SGCE: variants seen among roughly 807,000 people sequenced by gnomAD.
SGCE encodes the protein sarcoglycan epsilon, also known as epsilon-sarcoglycan.
In SGCE, 26 loss-of-function variants were observed where a neutral mutation model predicts 57.8. That is an observed-to-expected ratio of 0.45 (90% CI 0.33 to 0.62). SGCE has a LOEUF of 0.62. Among genes scored for constraint, SGCE ranks in the 20% least tolerant of loss-of-function variants. The pLI, the probability that SGCE is intolerant of heterozygous loss-of-function variation, is 0.02. For missense variants in SGCE, 468 were observed against 548.6 expected (o/e 0.85, Z 1.47); for synonymous variants, 183 against 189.5 (o/e 0.97, Z 0.28).
At chr7:94,599,816 A>G (rs1798940811) in intron 7 of SGCE, 93 bp from the exon 8 acceptor site, 2 of 946,586 alleles carry the variant, frequency 2.1e-6, no homozygotes, top group South Asian at 1.3e-5. Flanking sequence ...TGATGTGGAA[A>G]TGCTGACATT....
intron 5 of SGCE, among the ~76,000 whole-genome samples, chr7:94,605,132 G>A (rs929571307): frequency 2.0e-5 from 3 of 151,776 alleles, no homozygotes; most frequent in Admixed American, 6.6e-5. Flanking sequence ...ACAGCAAAAA[G>A]CACAGTTTGA....
chr7:94,613,274 GTGTA>G (rs1024956609), intron 5 of SGCE, among the ~76,000 whole-genome samples: 21 of 152,142 alleles, frequency 1.4e-4, no homozygotes, highest in Admixed American at 1.0e-3. Context: ...CTGAGTCCAT[GTGTA>G]ATAATAATAA....
chr7:94,627,175 A>G (rs1056420802), intron 3 of SGCE: 1 of 152,062 alleles, frequency 6.6e-6, no homozygotes, highest in African/African-American at 2.4e-5. Context: ...GAATTGGCCA[A>G]TGTGGAAGCT....
rs555626756 is a variant in SGCE at position 94,637,575 on chromosome 7, C to T, written c.110-7734G>A. Among the ~76,000 whole-genome samples, 12 of 152,278 alleles carry T rather than the reference C, an allele frequency of 7.9e-5. No individual in the cohort carries two copies. In the East Asian group the frequency reaches 1.2e-3, roughly 15 times the overall value. ...GAAGTTTGAAACAGGAAGAGACTGG[C>T]GTCTCTTAGAGATTCTAGATGACAC... On this transcript the variant is annotated intron_variant, in intron 1 of 10. Transcript: ENST00000648936.
At chr7:94,644,838 G>A (rs552343558) in intron 1 of SGCE, among the ~76,000 whole-genome samples, 13 of 151,948 alleles carry the variant, frequency 8.6e-5, no homozygotes, top group African/African-American at 2.9e-4. Context: ...TTTTAAAATT[G>A]TTTCCTACAT....
intron 9 of SGCE, 53 bp from the exon 10 acceptor site, chr7:94,588,785 C>G (rs571687372): frequency 6.2e-7 from 1 of 1,610,348 alleles, no homozygotes; most frequent in Admixed American, 1.7e-5. Context: ...CACTTGTAAA[C>G]AGAGAGCAGA....
intron 6 of SGCE, among the ~76,000 whole-genome samples, chr7:94,602,941 G>T (rs1239778852): frequency 6.6e-6 from 1 of 151,990 alleles, no homozygotes; most frequent in South Asian, 2.1e-4. Context: ...TTCCAAAGTG[G>T]GTTAGTGGCA....
At position 94,613,986 on chromosome 7, in the gene SGCE, TAAAC is replaced by T. The variant is rs1442615162; in HGVS notation, c.662+4768_662+4771del. Among the ~76,000 whole-genome samples the T allele has an allele frequency of 3.4e-5, 5 of 148,994 alleles. No homozygotes were observed. In the South Asian group the frequency reaches 8.5e-4, roughly 25 times the overall value. The stretch of plus-strand genomic sequence containing the variant: ...TTATAGCAAAACACATATAATAAAA[TAAAC>T]AAGTGAAAAAGTCACCAGAAATTAG... On this transcript the variant is annotated intron_variant, in intron 5 of 10. Coordinates refer to ENST00000648936, the MANE Select transcript of SGCE (RefSeq NM_003919.3).
chr7:94,619,130 C>T (rs995357504), intron 4 of SGCE, 174 bp from the exon 5 acceptor site: 11 of 615,014 alleles, frequency 1.8e-5, no homozygotes, highest in Non-Finnish European at 3.2e-5. Flanking sequence ...AAAAACATAA[C>T]TGACATTAGA....
intron 4 of SGCE, chr7:94,621,731 T>C (rs1802819307): frequency 6.6e-6 from 1 of 152,230 alleles, no homozygotes; most frequent in African/African-American, 2.4e-5. Context: ...AACTTTTCAA[T>C]TATTCTGCTC....
Position 94,591,359 on chromosome 7 carries a change from A to G in SGCE, c.1254-2627T>C, listed in dbSNP as rs1396279474. ...CTGGGTCTATTCTACACTCAAAACG[A>G]ACACAGTGCACCTTCTACACATAGG... On this transcript the variant is annotated intron_variant, in intron 9 of 10. Transcript: ENST00000648936. Among the ~76,000 whole-genome samples, 3 of 152,268 alleles carry G rather than the reference A, an allele frequency of 2.0e-5. No homozygotes were observed. The East Asian group carries it at 5.8e-4, about 29-fold the overall frequency.
intron 1 of SGCE, among the ~76,000 whole-genome samples, chr7:94,649,560 G>A (rs773481357): frequency 3.3e-4 from 50 of 152,284 alleles, no homozygotes; most frequent in Non-Finnish European, 6.2e-4. Flanking sequence ...TTCTGTCTTG[G>A]AAATATGAAC....
chr7:94,655,125 G>T (rs569725739), intron 1 of SGCE, among the ~76,000 whole-genome samples: 2 of 152,348 alleles, frequency 1.3e-5, no homozygotes, highest in Non-Finnish European at 2.9e-5. Context: ...ACGTGCGGTT[G>T]CCGTGACTAA....
At chr7:94,587,390 A>C in intron 10 of SGCE, 1 of 1,097,884 alleles carries the variant, frequency 9.1e-7, no homozygotes, top group African/African-American at 1.6e-5. Flanking sequence ...CCTGCTTCCT[A>C]CTCACTCCAT....
intron 9 of SGCE, among the ~76,000 whole-genome samples, chr7:94,595,271 T>A (rs1798225607): frequency 6.6e-6 from 1 of 152,178 alleles, no homozygotes; most frequent in South Asian, 2.1e-4. Context: ...TCTCTATAAC[T>A]TTGATGTAAA....
chr7:94,626,921 C>T (rs1803805944), intron 3 of SGCE: 1 of 151,978 alleles, frequency 6.6e-6, no homozygotes, highest in South Asian at 2.1e-4. Context: ...TTTTAATAAA[C>T]ACTTTTTCCA....
intron 2 of SGCE, 157 bp from the exon 3 acceptor site, chr7:94,628,516 C>A: frequency 1.7e-6 from 1 of 589,354 alleles, no homozygotes; most frequent in Admixed American, 3.1e-5. Context: ...TAAATTAGGG[C>A]ACCACGTTAA....
At position 94,637,002 on chromosome 7, in the gene SGCE, T is replaced by C. The variant is rs1805680216; in HGVS notation, c.110-7161A>G. On this transcript the variant is annotated intron_variant, in intron 1 of 10. Coordinates refer to ENST00000648936, the MANE Select transcript of SGCE (RefSeq NM_003919.3). ...TGAACCCGGGAGGAGGAAGTTGCAG[T>C]GAGCTGAGATCACACCATTGCACTC... Among the ~76,000 whole-genome samples, 4 of 149,276 alleles carry C rather than the reference T, an allele frequency of 2.7e-5. No homozygotes were observed. The South Asian group carries it at 8.4e-4, about 31-fold the overall frequency.
At chr7:94,631,022 A>G (rs1002628471) in intron 1 of SGCE, among the ~76,000 whole-genome samples, 2 of 151,978 alleles carry the variant, frequency 1.3e-5, no homozygotes, top group South Asian at 2.1e-4. Context: ...TTTGACTTGT[A>G]GCTTCACGTA....
Sources: gnomAD v4.1 joint callset for allele counts (sites outside exome capture counted in the v4.1 genomes callset) on GRCh38, gnomAD v4.1.1 for gene constraint, MANE v1.5 for transcripts, NCBI Gene and HGNC (gene_info 2026-07-23, HGNC 2026-07-21) for gene names.